EPB41L2: variants seen among roughly 807,000 people sequenced by gnomAD.
The protein encoded by EPB41L2 is erythrocyte membrane protein band 4.1 like 2.
Under a neutral mutation model 113.0 loss-of-function variants are expected in EPB41L2, and 43 were observed. The observed-to-expected ratio is 0.38, with a 90% confidence interval of 0.30 to 0.49. The LOEUF (loss-of-function observed/expected upper bound fraction) is 0.49. EPB41L2 is among the 20% of genes least tolerant of loss of function. The pLI, the probability that EPB41L2 is intolerant of heterozygous loss-of-function variation, is 0.95. For synonymous variants in EPB41L2, 442 were observed against 436.7 expected (o/e 1.01, Z -0.15); for missense variants, 1,147 against 1,223.4 (o/e 0.94, Z 0.93).
intron 19 of EPB41L2, among the ~76,000 whole-genome samples, chr6:130,844,624 A>G (rs1211892650): frequency 6.6e-6 from 1 of 152,138 alleles, no homozygotes; most frequent in African/African-American, 2.4e-5. Flanking sequence ...GTAAAATTAA[A>G]TTTTAAATAT....
At chr6:130,872,030 G>A (rs1212094043) in intron 14 of EPB41L2, among the ~76,000 whole-genome samples, 1 of 152,152 alleles carries the variant, frequency 6.6e-6, no homozygotes, top group Non-Finnish European at 1.5e-5. Context: ...GCCATCAGAG[G>A]ATGCCTGAAA....
chr6:130,917,582 C>T (rs551291810), intron 4 of EPB41L2, among the ~76,000 whole-genome samples: 1 of 145,150 alleles, frequency 6.9e-6, no homozygotes, highest in East Asian at 1.9e-4. Context: ...ATCTACTAAC[C>T]CCCACCCTGC....
intron 1 of EPB41L2, among the ~76,000 whole-genome samples, chr6:131,032,888 T>G (rs1792490328): frequency 1.3e-5 from 2 of 152,216 alleles, no homozygotes; most frequent in African/African-American, 2.4e-5. Flanking sequence ...GGCTCACGCT[T>G]GAAATCCCAG....
chr6:130,981,801 T>G (rs1043600969), intron 1 of EPB41L2, among the ~76,000 whole-genome samples: 7 of 152,134 alleles, frequency 4.6e-5, no homozygotes, highest in South Asian at 4.1e-4. Context: ...CCATTTAAAT[T>G]TGTAAAATAA....
chr6:130,850,015 C>T (rs1393848740), intron 19 of EPB41L2, among the ~76,000 whole-genome samples: 1 of 152,070 alleles, frequency 6.6e-6, no homozygotes, highest in African/African-American at 2.4e-5. Flanking sequence ...GGGTGGATCA[C>T]CTGAGGTCAG....
chr6:131,012,151 G>A (rs920145411), intron 1 of EPB41L2, among the ~76,000 whole-genome samples: 9 of 151,916 alleles, frequency 5.9e-5, no homozygotes, highest in African/African-American at 2.2e-4. Flanking sequence ...TCTGCAGTGA[G>A]CCGAGACTGA....
At chr6:130,878,011 T>C in intron 14 of EPB41L2, 93 bp downstream of exon 14, 1 of 1,263,936 alleles carries the variant, frequency 7.9e-7, no homozygotes, top group Non-Finnish European at 1.0e-6. Flanking sequence ...GGGAACATTT[T>C]GTAACTTCCC....
chr6:130,866,218 T>C (rs1783704568), intron 16 of EPB41L2, among the ~76,000 whole-genome samples: 1 of 152,234 alleles, frequency 6.6e-6, no homozygotes, highest in African/African-American at 2.4e-5. Context: ...CATGTGCTCC[T>C]ACATATATAT....
chr6:130,939,891 T>C (rs963191134), intron 3 of EPB41L2, among the ~76,000 whole-genome samples: 1 of 152,310 alleles, frequency 6.6e-6, no homozygotes, highest in Non-Finnish European at 1.5e-5. Context: ...AAGTAGAAAA[T>C]AGACTTCCAA....
At chr6:130,965,123 A>G (rs1249536184) in intron 1 of EPB41L2, among the ~76,000 whole-genome samples, 1 of 152,206 alleles carries the variant, frequency 6.6e-6, no homozygotes, top group Non-Finnish European at 1.5e-5. Context: ...TGGGGTCAGT[A>G]TCTTATCCCC....
intron 1 of EPB41L2, among the ~76,000 whole-genome samples, chr6:131,050,799 G>T (rs1796361521): frequency 6.6e-6 from 1 of 152,118 alleles, no homozygotes; most frequent in Non-Finnish European, 1.5e-5. Flanking sequence ...TCCCCATGTT[G>T]CCCAGGCTGG....
In EPB41L2 at chr6:130,900,875, A is replaced by C. The variant is rs1796090541; in HGVS notation, c.1148+87T>G. The C allele has an allele frequency of 2.0e-6, 3 of 1,477,804 alleles. No individual in the cohort carries two copies. In the African/African-American group the frequency reaches 4.2e-5, roughly 21 times the overall value. 91.5% of individuals were successfully genotyped at this position (1,477,804 alleles called of 1,614,324 possible). On this transcript the variant is annotated intron_variant, in intron 7 of 19. Coordinates refer to ENST00000337057, the MANE Select transcript of EPB41L2 (RefSeq NM_001431.4). ...AAAGGAAAAATTGGATAATCCTGTA[A>C]ATCATGCTCAAATGTCTAGTAAGTG... is the stretch of plus-strand genomic sequence containing the variant.
intron 1 of EPB41L2, among the ~76,000 whole-genome samples, chr6:131,006,650 G>A (rs188685174): frequency 2.1e-5 from 3 of 145,268 alleles, no homozygotes; most frequent in Admixed American, 1.4e-4. Context: ...ACTGGGTGAC[G>A]GACTGAGACT....
intron 4 of EPB41L2, among the ~76,000 whole-genome samples, chr6:130,923,256 A>G (rs1019552152): frequency 3.9e-5 from 6 of 152,190 alleles, no homozygotes; most frequent in African/African-American, 1.4e-4. Context: ...AGCCCTACTC[A>G]AGTCCCCTCT....
At position 130,878,128 on chromosome 6, in the gene EPB41L2, T is replaced by C; in HGVS notation, c.2019A>G (p.Thr673=). The C allele has an allele frequency of 1.9e-6, 3 of 1,613,070 alleles. No homozygotes were observed. The highest frequency in any genetic ancestry group is 1.7e-6 in the Non-Finnish European group (2 of 1,179,622). ...CCCCTTGTGTCTGTAGGGACAGAGG[T>C]GTGATACGTCGTTTTTCCCATTCAT... is the stretch of plus-strand genomic sequence containing the variant. The part of the protein sequence containing the change: ...RPNEWEKRRI[T]PLSLQTQGSS... Residue 673 remains threonine, a synonymous_variant, in exon 14 of 20, where the codon ACA becomes ACG. Transcript: ENST00000337057.
chr6:130,962,136 T>A (rs560195177), intron 1 of EPB41L2, among the ~76,000 whole-genome samples: 1 of 152,196 alleles, frequency 6.6e-6, no homozygotes, highest in East Asian at 1.9e-4. Context: ...CACTATTTGA[T>A]GCCATCAAAC....
intron 1 of EPB41L2, among the ~76,000 whole-genome samples, chr6:131,048,138 C>CAAAAAAAA (rs200522047): frequency 2.5e-4 from 13 of 52,250 alleles, no homozygotes; most frequent in South Asian, 8.4e-4. Flanking sequence ...GACTCTGTCT[C>CAAAAAAAA]AAAAAAAAAA....
intron 1 of EPB41L2, among the ~76,000 whole-genome samples, chr6:131,043,311 GATAAATAA>G (rs1310805425): frequency 6.6e-6 from 1 of 151,588 alleles, no homozygotes; most frequent in East Asian, 1.9e-4. Context: ...AAAAAATAAA[GATAAATAA>G]ATAAATAAAT....
chr6:131,001,597 C>T (rs1373024189), intron 1 of EPB41L2, among the ~76,000 whole-genome samples: 3 of 152,166 alleles, frequency 2.0e-5, no homozygotes, highest in Non-Finnish European at 2.9e-5. Context: ...TCCCCACCCA[C>T]CCCATGCGTT....
Sources: allele counts gnomAD v4.1 joint callset (sites outside exome capture counted in the v4.1 genomes callset), GRCh38; gene constraint gnomAD v4.1.1; transcripts MANE v1.5; gene names NCBI Gene and HGNC (gene_info 2026-07-23, HGNC 2026-07-21).